Variants in GRK6 observed in about 807,000 individuals in gnomAD.
GRK6 encodes G protein-coupled receptor kinase 6.
A neutral mutation model predicts 80.8 loss-of-function variants in GRK6; 37 were observed. The observed-to-expected ratio is 0.46, with a 90% confidence interval of 0.35 to 0.60. GRK6 has a LOEUF of 0.60. GRK6 is among the 20% of genes least tolerant of loss of function. The pLI, the probability that GRK6 is intolerant of heterozygous loss-of-function variation, is 0.00. For synonymous variants in GRK6, 295 were observed against 320.9 expected (o/e 0.92, Z 0.86); for missense variants, 560 against 784.6 (o/e 0.71, Z 3.42).
chr5:177,427,045 C>G (rs1488424983), intron 1 of GRK6, 148 bp downstream of exon 1: 2 of 376,338 alleles, frequency 5.3e-6, no homozygotes, highest in African/African-American at 2.1e-5. Flanking sequence ...CTTTCCGGCC[C>G]GTCGTCTTCC....
Position 177,428,222 on chromosome 5 carries a change from G to T in GRK6, c.52+1325G>T, listed in dbSNP as rs1369552144. ...GTCATCCAACCAGCCAGGGAGGAGG[G>T]GTGGGGAGGGCCGAAACAGGCCTTC... On this transcript the variant is annotated intron_variant, in intron 1 of 15. Coordinates refer to ENST00000355472, the MANE Select transcript of GRK6 (RefSeq NM_001004106.3). This position sits in a 1 kb window ranked among gnomAD's most constrained non-coding sequence, Gnocchi z 4.1. 6.6e-6 allele frequency among the ~76,000 whole-genome samples: 1 copy of T among 152,252 alleles called. No individual in the cohort carries two copies. The highest frequency in any genetic ancestry group is 1.5e-5 in the Non-Finnish European group (1 of 68,036).
rs376138678 is a variant in GRK6, at chr5:177,436,425, G to A, written c.1299G>A (p.Gly433=). Residue 433 remains glycine (G), a synonymous_variant, in exon 13 of 16, where the codon GGG becomes GGA. Coordinates refer to ENST00000355472, the MANE Select transcript of GRK6 (RefSeq NM_001004106.3). ...GCAAGGACCCTGCCGAACGCCTGGG[G>A]TGTCGTGGGGGCAGTGCCCGCGAGG... The part of the protein sequence containing the change: ...LLCKDPAERL[G]CRGGSAREVK... 4.3e-6 allele frequency: 7 copies of A among 1,613,288 alleles called. No homozygotes were observed. The African/African-American group carries it at 9.3e-5, about 22-fold the overall frequency.
rs1763921055 is a variant in GRK6, at chr5:177,432,042, C to T, written c.196C>T (p.Leu66=). ...LCERQPIGRL[L]FREFCATRPE... The stretch of plus-strand genomic sequence containing the variant: ...CGAGCGGCAGCCCATTGGGCGCCTG[C>T]TGTTCCGAGAGTTCTGTGCCACGAG... Residue 66 remains leucine, a synonymous_variant, in exon 3 of 16, where the codon CTG becomes TTG. Transcript: ENST00000355472. 6.2e-7 allele frequency: 1 copy of T among 1,613,282 alleles called. No homozygotes were observed. Among genetic ancestry groups the T allele is most frequent in the Admixed American group, 1.7e-5 (1 of 60,002 alleles).
Position 177,429,234 on chromosome 5 carries a change from C to T in GRK6, c.53-1638C>T, listed in dbSNP as rs1763788005. Among the ~76,000 whole-genome samples the T allele has an allele frequency of 1.3e-5, 2 of 152,138 alleles. No homozygotes were observed. Among genetic ancestry groups the T allele is most frequent in the South Asian group, 4.1e-4 (2 of 4,832 alleles). On this transcript the variant is annotated intron_variant, in intron 1 of 15. Coordinates refer to ENST00000355472, the MANE Select transcript of GRK6 (RefSeq NM_001004106.3). The surrounding 1 kb of genome is among the most constrained non-coding windows in gnomAD (Gnocchi z 4.3). Reference sequence around the variant, plus strand: ...GGGCTTGAGACCTCCCTCAGTACCCCTTCTCTTCCCAGGCACTCAGAGGCA... The same window carrying T: ...GGGCTTGAGACCTCCCTCAGTACCCTTTCTCTTCCCAGGCACTCAGAGGCA...
chr5:177,433,668 A>C lies in GRK6; in HGVS notation c.730A>C (p.Arg244=). 1 of 1,614,060 alleles carries C rather than the reference A, an allele frequency of 6.2e-7. No individual in the cohort carries two copies. Among genetic ancestry groups the C allele is most frequent in the Non-Finnish European group, 8.5e-7 (1 of 1,180,016 alleles). The change falls in exon 8 of 16, where the codon AGG becomes CGG. Residue 244 remains arginine, a synonymous_variant. Coordinates refer to ENST00000355472, the MANE Select transcript of GRK6 (RefSeq NM_001004106.3). Reference sequence around the variant, plus strand: ...GCAGATCCTGGAGAAAGTGAACAGTAGGTTTGTAGTAAGTACAGAAGGAGA... The same window carrying C: ...GCAGATCCTGGAGAAAGTGAACAGTCGGTTTGTAGTAAGTACAGAAGGAGA... The part of the protein sequence containing the change: ...EKQILEKVNS[R]FVVSLAYAYE...
chr5:177,439,358 G>A (rs1367304330), intron 13 of GRK6, among the ~76,000 whole-genome samples: 1 of 152,034 alleles, frequency 6.6e-6, no homozygotes, highest in Non-Finnish European at 1.5e-5. Context: ...GGCCAACAAG[G>A]TGAAACCCCC....
intron 13 of GRK6, 31 bp from the exon 14 acceptor site, chr5:177,440,669 T>A (rs760451332): frequency 6.2e-7 from 1 of 1,611,172 alleles, no homozygotes; most frequent in Admixed American, 1.7e-5. Flanking sequence ...TGTGTGTGTT[T>A]CCTATCTGAC....
intron 13 of GRK6, among the ~76,000 whole-genome samples, chr5:177,439,221 A>G (rs1326940921): frequency 6.6e-6 from 1 of 152,216 alleles, no homozygotes; most frequent in East Asian, 1.9e-4. Flanking sequence ...TATGATTTAT[A>G]TACCATACAA....
chr5:177,430,694 G>A (rs892006791), intron 1 of GRK6, 178 bp from the exon 2 acceptor site: 2 of 609,396 alleles, frequency 3.3e-6, no homozygotes, highest in Non-Finnish European at 6.0e-6. Flanking sequence ...AGCAGGAGAA[G>A]CACGTGTGTC....
At chr5:177,439,084 C>T (rs1320266050) in intron 13 of GRK6, among the ~76,000 whole-genome samples, 1 of 152,212 alleles carries the variant, frequency 6.6e-6, no homozygotes, top group African/African-American at 2.4e-5. Flanking sequence ...AATAACTACA[C>T]TGCCTCTGGA....
rs58488267 is a variant in GRK6 at position 177,434,489 on chromosome 5, A to G, written c.929+385A>G. 4.1e-3 allele frequency among the ~76,000 whole-genome samples: 621 copies of G among 152,350 alleles called. 1 individual carries two copies. Among genetic ancestry groups the G allele is most frequent in the African/African-American group, 0.014 (593 of 41,580 alleles). On this transcript the variant is annotated intron_variant, in intron 9 of 15. Transcript: ENST00000355472. ...GTGAGCTAAGTACAGAGTGCCTGGC[A>G]CATGGGGCTGGGTAAGAGAGAACCC...
chr5:177,440,254 C>T (rs114650010), intron 13 of GRK6, among the ~76,000 whole-genome samples: 2,564 of 152,266 alleles, frequency 0.017, 29 homozygotes, highest in Non-Finnish European at 0.027. Context: ...AGTGGGAGAC[C>T]GTGCCAGTCC....
intron 2 of GRK6, chr5:177,431,760 G>A (rs940989306): frequency 3.5e-5 from 20 of 577,668 alleles, no homozygotes; most frequent in Non-Finnish European, 6.2e-6. Flanking sequence ...CTGGGCTCTG[G>A]AGCCAGACTC....
At chr5:177,440,370 C>T (rs961650342) in intron 13 of GRK6, among the ~76,000 whole-genome samples, 4 of 152,160 alleles carry the variant, frequency 2.6e-5, no homozygotes, top group Non-Finnish European at 4.4e-5. Flanking sequence ...GCGGAGGGGC[C>T]GGCTGAGATT....
chr5:177,436,085 TGAA>T lies in GRK6; in HGVS notation c.1074_1076del (p.Lys358del). 6.2e-7 allele frequency: 1 copy of T among 1,612,126 alleles called. No individual in the cohort carries two copies. The highest frequency in any genetic ancestry group is 8.5e-7 in the Non-Finnish European group (1 of 1,178,594). On this transcript the variant is annotated inframe_deletion, in exon 12 of 16. Transcript: ENST00000355472. ...GCCGCCCGCCCAGCTCCGGAGGTGG[TGAA>T]GAATGAACGGTACACGTTCAGCCCT...
rs549996664 is a variant in GRK6, at chr5:177,442,089, G to T, written c.*299G>T. On this transcript the variant is annotated 3_prime_UTR_variant, in exon 16 of 16. Transcript: ENST00000355472. ...GACCAGAGCATTCTTAATTCCCGCC[G>T]CAGACCTGGCGCCCCCGCCTTGGCT... The T allele has an allele frequency of 5.2e-6, 2 of 383,716 alleles. No homozygotes were observed. The highest frequency in any genetic ancestry group is 9.4e-6 in the Non-Finnish European group (2 of 213,664). The allele number at this position is 383,716 out of a possible 1,614,324, so 23.8% of individuals were successfully genotyped here.
intron 9 of GRK6, 116 bp from the exon 10 acceptor site, chr5:177,434,786 A>T: frequency 3.6e-6 from 4 of 1,118,698 alleles, no homozygotes; most frequent in Non-Finnish European, 5.4e-6. Context: ...GCAGCAAATG[A>T]GTCTCGCACC....
Position 177,429,895 on chromosome 5 carries a change from A to G in GRK6, c.53-977A>G, listed in dbSNP as rs1302719310. Among the ~76,000 whole-genome samples the G allele has an allele frequency of 6.6e-6, 1 of 152,224 alleles. No individual in the cohort carries two copies. The highest frequency in any genetic ancestry group is 2.4e-5 in the African/African-American group (1 of 41,456). On this transcript the variant is annotated intron_variant, in intron 1 of 15. Transcript: ENST00000355472. The surrounding 1 kb of genome is among the most constrained non-coding windows in gnomAD (Gnocchi z 4.3). ...TCACAGATAGCGAGTGATGGGCCAC[A>G]GTGTGAATCAGAGATTCAGACCCAG...
chr5:177,427,711 A>G (rs1581671205), intron 1 of GRK6, among the ~76,000 whole-genome samples: 2 of 152,178 alleles, frequency 1.3e-5, no homozygotes, highest in East Asian at 3.8e-4. Context: ...CCACCTCAGT[A>G]ACATGATCAC....
Sources: allele counts gnomAD v4.1 joint callset (sites outside exome capture counted in the v4.1 genomes callset), GRCh38; gene constraint gnomAD v4.1.1; non-coding constraint Gnocchi (gnomAD v3.1); transcripts MANE v1.5; gene names NCBI Gene and HGNC (gene_info 2026-07-23, HGNC 2026-07-21).